NUP205: variants seen among roughly 807,000 people sequenced by gnomAD.
NUP205 encodes the protein nuclear pore complex protein Nup205.
NUP205 carries 76 observed loss-of-function variants against 253.8 expected under a neutral mutation model. The ratio of observed to expected loss-of-function variants is 0.30; its 90% CI spans 0.25 to 0.36. The LOEUF is 0.36. Ranked by LOEUF, NUP205 falls within the 10% of genes least tolerant of loss-of-function variation. The pLI is 1.00. For synonymous variants in NUP205, 832 were observed against 850.1 expected, an observed-to-expected ratio of 0.98 and a Z score of 0.37; for missense variants, 2,162 against 2,425.5, an observed-to-expected ratio of 0.89 and a Z score of 2.28.
At chr7:135,630,626 A>G (rs888849622) in intron 35 of NUP205, among the ~76,000 whole-genome samples, 156 bp downstream of exon 35, 1 of 152,236 alleles carries the variant, frequency 6.6e-6, no homozygotes, top group African/African-American at 2.4e-5. Flanking sequence ...TTATGTTTAT[A>G]AAATGATACA....
At chr7:135,635,876 T>C (rs551409232) in intron 36 of NUP205, among the ~76,000 whole-genome samples, 1 of 152,260 alleles carries the variant, frequency 6.6e-6, no homozygotes, top group Admixed American at 6.5e-5. Context: ...GATGAGAATT[T>C]AGATGTTTTT....
At chr7:135,564,996 T>C (rs1012276721) in intron 1 of NUP205, among the ~76,000 whole-genome samples, 3 of 152,120 alleles carry the variant, frequency 2.0e-5, no homozygotes, top group African/African-American at 7.2e-5. Context: ...CTCGAACTCC[T>C]GACCTCAAGT....
At position 135,616,826 on chromosome 7, in the gene NUP205, C is replaced by T. The variant is rs1029175706; in HGVS notation, c.3532+100C>T. The T allele has an allele frequency of 4.2e-6, 3 of 721,204 alleles. No homozygotes were observed. In the Admixed American group the frequency reaches 1.1e-4, roughly 26 times the overall value. 44.7% of individuals were successfully genotyped at this position (721,204 alleles called of 1,614,324 possible). On this transcript the variant is annotated intron_variant, in intron 25 of 42. Transcript: ENST00000285968. ...TATGCCTGTGCCTCCAAACTCTGAA[C>T]TGGTATAGAAAAGTTATATAAAGGA...
chr7:135,571,649 A>G (rs571802412), intron 2 of NUP205, among the ~76,000 whole-genome samples: 1 of 152,296 alleles, frequency 6.6e-6, no homozygotes, highest in South Asian at 2.1e-4. Context: ...GCAGTGTGAA[A>G]TAATCACATC....
At position 135,616,002 on chromosome 7, in the gene NUP205, C is replaced by T. The variant is rs762143972; in HGVS notation, c.3397C>T (p.Arg1133Trp). The change falls in exon 24 of 43, where the codon CGG becomes TGG. Residue 1133 changes from arginine (R) to tryptophan (W), a missense_variant. Transcript: ENST00000285968. Reference protein sequence around the residue: ...ELRVTSLNRQRSHTQRLLHLL... With the variant: ...ELRVTSLNRQWSHTQRLLHLL... The stretch of plus-strand genomic sequence containing the variant: ...AAGGGTAACCTCTCTGAATCGTCAG[C>T]GGTCACATACCCAGAGGCTCCTACA... 62 of 1,613,396 alleles carry T rather than the reference C, an allele frequency of 3.8e-5. No homozygotes were observed. The highest frequency in any genetic ancestry group is 4.5e-5 in the East Asian group (2 of 44,880).
At chr7:135,631,843 C>T (rs945245510) in intron 35 of NUP205, among the ~76,000 whole-genome samples, 1 of 151,682 alleles carries the variant, frequency 6.6e-6, no homozygotes, top group African/African-American at 2.4e-5. Context: ...TCCGCCTCCC[C>T]GATTCACGCC....
intron 1 of NUP205, among the ~76,000 whole-genome samples, chr7:135,567,910 T>C (rs565779084): frequency 6.6e-6 from 1 of 152,252 alleles, no homozygotes; most frequent in East Asian, 1.9e-4. Flanking sequence ...GAGTCATATT[T>C]TTTAAATGGT....
At chr7:135,596,876 G>C (rs1450324169) in intron 13 of NUP205, among the ~76,000 whole-genome samples, 1 of 150,858 alleles carries the variant, frequency 6.6e-6, no homozygotes, top group Non-Finnish European at 1.5e-5. Flanking sequence ...AGAATTGCTT[G>C]AGCCCAGGAG....
intron 34 of NUP205, 61 bp from the exon 35 acceptor site, chr7:135,630,283 T>TTATA (rs1794681508): frequency 1.6e-6 from 2 of 1,267,384 alleles, no homozygotes; most frequent in East Asian, 5.4e-5. Context: ...AATTATGCAT[T>TTATA]TATATATAAT....
chr7:135,603,937 C>T (rs1206629547), intron 18 of NUP205, among the ~76,000 whole-genome samples: 1 of 152,142 alleles, frequency 6.6e-6, no homozygotes, highest in African/African-American at 2.4e-5. Context: ...TTTGATGTTC[C>T]GTGGCATATA....
intron 10 of NUP205, among the ~76,000 whole-genome samples, chr7:135,590,131 A>T (rs1456604196): frequency 3.4e-5 from 5 of 147,398 alleles, no homozygotes; most frequent in African/African-American, 1.2e-4. Context: ...ATTTATTTTG[A>T]GACAGAGTCC....
intron 1 of NUP205, among the ~76,000 whole-genome samples, chr7:135,570,761 T>TATTATATTTATATATTA (rs1805957382): frequency 2.2e-5 from 2 of 89,768 alleles, no homozygotes; most frequent in South Asian, 3.0e-4. Flanking sequence ...TATATTTATA[T>TATTATATTTATATATTA]ATTATATTAA....
intron 22 of NUP205, among the ~76,000 whole-genome samples, chr7:135,612,852 A>T (rs1204777840): frequency 6.6e-6 from 1 of 152,224 alleles, no homozygotes; most frequent in Non-Finnish European, 1.5e-5. Flanking sequence ...AGTCATAACA[A>T]TTATACTAGG....
At chr7:135,636,497 C>G (rs34157463) in intron 36 of NUP205, among the ~76,000 whole-genome samples, 7,558 of 152,008 alleles carry the variant, frequency 0.05, 406 homozygotes, top group African/African-American at 0.13. Context: ...CCCACAAAAC[C>G]CAAATACTTT....
At chr7:135,570,772 T>TATAATTAATTATATTAATATATTATATTA (rs1805958980) in intron 1 of NUP205, among the ~76,000 whole-genome samples, 2 of 78,150 alleles carry the variant, frequency 2.6e-5, no homozygotes, top group Admixed American at 1.8e-4. Context: ...ATTATATTAA[T>TATAATTAATTATATTAATATATTATATTA]ATATATTAAT....
rs1793962116 is a variant in NUP205, at chr7:135,601,400, G to C, written c.2405G>C (p.Gly802Ala). The C allele has an allele frequency of 1.9e-6, 3 of 1,613,632 alleles. No individual in the cohort carries two copies. The highest frequency in any genetic ancestry group is 2.5e-6 in the Non-Finnish European group (3 of 1,179,716). Residue 802 changes from glycine (G) to alanine (A), a missense_variant, in exon 17 of 43, where the codon GGA (glycine) becomes GCA (alanine). This residue lies in a region of NUP205 where 892 missense variants were observed against 957.1 expected (regional missense o/e 0.93). Transcript: ENST00000285968. ...GAAATCATAGCCTATAAGCCACCTG[G>C]ATTTAGTCTGATGTATCATCTGCTG... ...GEEIIAYKPPGFSLMYHLLNE... is the reference protein window; with the variant it reads ...GEEIIAYKPPAFSLMYHLLNE...
At chr7:135,637,722 A>T (rs566889200) in intron 36 of NUP205, among the ~76,000 whole-genome samples, 1 of 152,082 alleles carries the variant, frequency 6.6e-6, no homozygotes, top group Non-Finnish European at 1.5e-5. Flanking sequence ...AAAAAAGGGT[A>T]CTCTTTTCAT....
In NUP205 at chr7:135,602,883, T is replaced by G. The variant is rs1421793900; in HGVS notation, c.2591T>G (p.Met864Arg). 6.2e-7 allele frequency: 1 copy of G among 1,613,904 alleles called. No individual in the cohort carries two copies. ...ACTCTGCAAAAGGAAAATCTTTTTA[T>G]GGACCTTCTAAGAGAGAGTCAACTG... The part of the protein sequence containing the change: ...NLTLQKENLF[M>R]DLLRESQLAL... The change falls in exon 18 of 43, where the codon ATG becomes AGG. Residue 864 changes from methionine to arginine, a missense_variant. Met to Arg is a moderately conservative substitution (Grantham distance 91, BLOSUM62 -1). Transcript: ENST00000285968.
chr7:135,633,944 A>G (rs1200476287), intron 35 of NUP205, among the ~76,000 whole-genome samples: 1 of 152,236 alleles, frequency 6.6e-6, no homozygotes, highest in East Asian at 1.9e-4. Flanking sequence ...GCTATAATTT[A>G]TGCACATTTG....
Sources: allele counts gnomAD v4.1 joint callset (sites outside exome capture counted in the v4.1 genomes callset), GRCh38; gene constraint gnomAD v4.1.1; regional missense constraint gnomAD v4.1.1; transcripts MANE v1.5; gene names NCBI Gene and HGNC (gene_info 2026-07-23, HGNC 2026-07-21).